The following WDR41 variants were observed in gnomAD, a reference collection of about 807,000 sequenced individuals.
WDR41 encodes the protein WD repeat domain 41.
WDR41 carries 63 observed loss-of-function variants against 69.3 expected under a neutral mutation model. That is an observed-to-expected ratio of 0.91 (90% CI 0.74 to 1.12). The LOEUF (loss-of-function observed/expected upper bound fraction) is 1.12. Among genes scored for constraint, WDR41 ranks in the 50% most tolerant of loss-of-function variants. WDR41 has a pLI of 0.00. For missense variants in WDR41, 543 were observed against 534.5 expected (o/e 1.02, Z -0.16); for synonymous variants, 185 against 192.1 (o/e 0.96, Z 0.31).
At chr5:77,545,794 TG>T in intron 1 of WDR41, 1 of 1,008,450 alleles carries the variant, frequency 9.9e-7, no homozygotes, top group Non-Finnish European at 1.4e-6. Context: ...CACGTCGGTC[TG>T]GGTGTTAAGT....
intron 2 of WDR41, among the ~76,000 whole-genome samples, chr5:77,485,574 G>A (rs980548222): frequency 2.5e-4 from 38 of 152,090 alleles, no homozygotes; most frequent in African/African-American, 8.7e-4. Flanking sequence ...AATGAGCAAC[G>A]GAGAAAACTC....
intron 1 of WDR41, among the ~76,000 whole-genome samples, chr5:77,490,047 T>G (rs1801701083): frequency 6.6e-6 from 1 of 152,152 alleles, no homozygotes; most frequent in South Asian, 2.1e-4. Context: ...AATGAAGGCA[T>G]GAAATCAACT....
chr5:77,448,649 C>A (rs1009397535), intron 8 of WDR41, among the ~76,000 whole-genome samples: 30 of 152,086 alleles, frequency 2.0e-4, no homozygotes, highest in African/African-American at 7.2e-4. Context: ...GCAGGTGGAT[C>A]ATGAGGTCAG....
At chr5:77,595,144 T>C (rs1744204259) in intron 1 of WDR41, among the ~76,000 whole-genome samples, 1 of 134,790 alleles carries the variant, frequency 7.4e-6, no homozygotes, top group Admixed American at 7.2e-5. Context: ...ATTTGAAATT[T>C]AAGGTCTTCT....
chr5:77,595,860 C>T (rs1160310102), intron 1 of WDR41, among the ~76,000 whole-genome samples: 1 of 152,136 alleles, frequency 6.6e-6, no homozygotes, highest in African/African-American at 2.4e-5. Context: ...AGTTATGGAA[C>T]ATCAGTTTAA....
chr5:77,608,785 G>C (rs1580050440), intron 1 of WDR41, among the ~76,000 whole-genome samples: 1 of 152,196 alleles, frequency 6.6e-6, no homozygotes, highest in African/African-American at 2.4e-5. Context: ...TCTCACTAGG[G>C]AGTGCCAGAC....
At chr5:77,443,718 T>C (rs937738620) in intron 8 of WDR41, among the ~76,000 whole-genome samples, 21 of 152,124 alleles carry the variant, frequency 1.4e-4, no homozygotes, top group Non-Finnish European at 1.6e-4. Context: ...TCTGCATCTG[T>C]AGTCACAACA....
intron 1 of WDR41, among the ~76,000 whole-genome samples, chr5:77,592,924 A>G (rs561774460): frequency 1.4e-4 from 22 of 152,226 alleles, no homozygotes; most frequent in Non-Finnish European, 2.9e-4. Context: ...CAGGTGAACA[A>G]AAACAGGTGT....
chr5:77,447,840 A>G (rs928856268), intron 8 of WDR41, among the ~76,000 whole-genome samples: 5 of 152,244 alleles, frequency 3.3e-5, no homozygotes, highest in Non-Finnish European at 7.3e-5. Context: ...ATACCTATGT[A>G]ACAAACCTGC....
intron 5 of WDR41, among the ~76,000 whole-genome samples, chr5:77,456,245 G>C (rs888498165): frequency 2.0e-5 from 3 of 152,140 alleles, no homozygotes; most frequent in Admixed American, 2.0e-4. Flanking sequence ...CTGACCTCAA[G>C]CAATCCTCCC....
At chr5:77,561,071 A>C (rs1281559251) in intron 1 of WDR41, among the ~76,000 whole-genome samples, 3 of 152,144 alleles carry the variant, frequency 2.0e-5, no homozygotes, top group Non-Finnish European at 4.4e-5. Flanking sequence ...TCATTTTTAC[A>C]TTGTTCTCTG....
chr5:77,536,902 T>C (rs1442348677), intron 1 of WDR41, among the ~76,000 whole-genome samples: 1 of 152,204 alleles, frequency 6.6e-6, no homozygotes, highest in Non-Finnish European at 1.5e-5. Context: ...CAGAATTGTA[T>C]TTTAAAAGAG....
At chr5:77,531,031 T>C (rs1306293373) in intron 1 of WDR41, among the ~76,000 whole-genome samples, 1 of 151,728 alleles carries the variant, frequency 6.6e-6, no homozygotes, top group East Asian at 1.9e-4. Flanking sequence ...CACCTAAATA[T>C]AAGAACTAAA....
At chr5:77,615,232 A>G (rs6868386) in intron 1 of WDR41, among the ~76,000 whole-genome samples, 13,806 of 152,306 alleles carry the variant, frequency 0.091, 867 homozygotes, top group East Asian at 0.25. Flanking sequence ...ACCTGACTCA[A>G]ACTAACTCTA....
chr5:77,447,704 G>A (rs1291208678), intron 8 of WDR41, among the ~76,000 whole-genome samples: 1 of 152,046 alleles, frequency 6.6e-6, no homozygotes, highest in African/African-American at 2.4e-5. Context: ...CACTCTAACT[G>A]GAAACTGAAC....
intron 2 of WDR41, among the ~76,000 whole-genome samples, chr5:77,478,443 C>T (rs1305172380): frequency 1.3e-5 from 2 of 152,072 alleles, no homozygotes; most frequent in Middle Eastern, 3.2e-3. Context: ...AATGGCAAAC[C>T]GAATCCAGCA....
intron 9 of WDR41, 74 bp downstream of exon 9, chr5:77,440,738 GA>G: frequency 7.1e-7 from 1 of 1,414,316 alleles, no homozygotes; most frequent in Non-Finnish European, 9.7e-7. Flanking sequence ...TCCAACATGG[GA>G]TTAAATTTTT....
intron 8 of WDR41, among the ~76,000 whole-genome samples, chr5:77,441,981 A>G (rs942376842): frequency 2.6e-5 from 4 of 152,350 alleles, no homozygotes; most frequent in Non-Finnish European, 5.9e-5. Context: ...ATCTAAAAAC[A>G]AGGAGATACC....
At chr5:77,505,486 C>A (rs1802091480) in intron 1 of WDR41, among the ~76,000 whole-genome samples, 1 of 152,120 alleles carries the variant, frequency 6.6e-6, no homozygotes, top group Non-Finnish European at 1.5e-5. Flanking sequence ...CCATCCCCAT[C>A]AAGCTACTGA....
Sources: gnomAD v4.1 joint callset for allele counts (sites outside exome capture counted in the v4.1 genomes callset) on GRCh38, gnomAD v4.1.1 for gene constraint, MANE v1.5 for transcripts, NCBI Gene and HGNC (gene_info 2026-07-23, HGNC 2026-07-21) for gene names.